Variants in SLC4A4 observed in about 807,000 individuals in gnomAD.
The protein encoded by SLC4A4 is solute carrier family 4 member 4, also known as electrogenic sodium bicarbonate cotransporter 1.
A neutral mutation model predicts 111.5 loss-of-function variants in SLC4A4; 27 were observed. The ratio of observed to expected loss-of-function variants is 0.24; its 90% confidence interval spans 0.18 to 0.33. The LOEUF (loss-of-function observed/expected upper bound fraction) is 0.33, where lower values mean the gene tolerates loss of function less well. SLC4A4 is among the 10% of genes least tolerant of loss of function. The pLI is 1.00. For synonymous variants in SLC4A4, 443 were observed against 463.4 expected (o/e 0.96, Z 0.57); for missense variants, 909 against 1,315.5 (o/e 0.69, Z 4.78).
intron 12 of SLC4A4, among the ~76,000 whole-genome samples, chr4:71,461,757 C>A (rs1726849396): frequency 6.6e-6 from 1 of 152,070 alleles, no homozygotes; most frequent in African/African-American, 2.4e-5. Context: ...AAACATGGGC[C>A]AAACACGGGC....
At chr4:71,389,100 A>T (rs1719031425) in intron 6 of SLC4A4, among the ~76,000 whole-genome samples, 1 of 152,232 alleles carries the variant, frequency 6.6e-6, no homozygotes, top group South Asian at 2.1e-4. Flanking sequence ...TAAATAGATT[A>T]TCAAAGGGAC....
intron 2 of SLC4A4, among the ~76,000 whole-genome samples, chr4:71,095,598 T>TTCCC (rs922884545): frequency 7.9e-5 from 12 of 152,194 alleles, no homozygotes; most frequent in Admixed American, 3.3e-4. Context: ...TTTTGCTGAC[T>TTCCC]TCCCTCCCTC....
intron 2 of SLC4A4, among the ~76,000 whole-genome samples, chr4:71,243,252 C>T (rs1385172419): frequency 6.6e-6 from 1 of 152,136 alleles, no homozygotes. Flanking sequence ...ATGCATTTCC[C>T]CTTGTCTGCC....
At chr4:71,425,828 G>A (rs1723074339) in intron 7 of SLC4A4, among the ~76,000 whole-genome samples, 1 of 152,142 alleles carries the variant, frequency 6.6e-6, no homozygotes, top group Non-Finnish European at 1.5e-5. Flanking sequence ...AAAGGGTTGT[G>A]GAGAACAAGT....
chr4:71,312,144 C>T (rs1439008022), intron 3 of SLC4A4, among the ~76,000 whole-genome samples: 4 of 152,150 alleles, frequency 2.6e-5, no homozygotes, highest in African/African-American at 9.7e-5. Flanking sequence ...CTATAAACAC[C>T]TCTAGCAAAT....
At chr4:71,386,013 G>GT (rs560393700) in intron 6 of SLC4A4, among the ~76,000 whole-genome samples, 162 of 141,686 alleles carry the variant, frequency 1.1e-3, no homozygotes, top group Middle Eastern at 3.8e-3. Context: ...ATTTTTTGGA[G>GT]TTTTTTTTTT....
chr4:71,328,848 C>A (rs895907047), intron 3 of SLC4A4, among the ~76,000 whole-genome samples: 2 of 151,922 alleles, frequency 1.3e-5, no homozygotes. Context: ...TCCATTTTTG[C>A]TTTGGTTGTT....
intron 4 of SLC4A4, 62 bp from the exon 5 acceptor site, chr4:71,349,850 C>A: frequency 5.9e-6 from 9 of 1,535,516 alleles, no homozygotes; most frequent in Admixed American, 5.0e-5. Flanking sequence ...GGGGTTGAGA[C>A]TGCTATTTCT....
At chr4:71,547,603 T>C (rs1223484774) in intron 19 of SLC4A4, 45 bp from the exon 20 acceptor site, 2 of 1,481,052 alleles carry the variant, frequency 1.4e-6, no homozygotes, top group Admixed American at 3.4e-5. Context: ...AGAGCATGTT[T>C]ATGAAGACAA....
chr4:71,132,334 C>T (rs562361002), intron 2 of SLC4A4, among the ~76,000 whole-genome samples: 18 of 152,192 alleles, frequency 1.2e-4, no homozygotes, highest in South Asian at 2.1e-4. Context: ...TATCAGCTAA[C>T]GGCATGTCTC....
intron 15 of SLC4A4, among the ~76,000 whole-genome samples, chr4:71,494,430 C>A (rs1000159812): frequency 3.3e-5 from 5 of 151,844 alleles, no homozygotes; most frequent in African/African-American, 1.2e-4. Flanking sequence ...CCTCCTGCCT[C>A]AGTCTCCAGA....
intron 3 of SLC4A4, among the ~76,000 whole-genome samples, chr4:71,297,043 G>A (rs1724850027): frequency 6.6e-6 from 1 of 152,182 alleles, no homozygotes; most frequent in East Asian, 1.9e-4. Context: ...TCAACTAGTT[G>A]GCCACCCTTG....
chr4:71,388,844 C>T (rs1719002051), intron 6 of SLC4A4, among the ~76,000 whole-genome samples: 2 of 152,168 alleles, frequency 1.3e-5, no homozygotes, highest in Middle Eastern at 3.2e-3. Context: ...AGCCACCATG[C>T]CTGGCCTAAC....
At chr4:71,121,392 C>T (rs531208723) in intron 2 of SLC4A4, among the ~76,000 whole-genome samples, 104 of 152,358 alleles carry the variant, frequency 6.8e-4, no homozygotes, top group Admixed American at 2.0e-3. Context: ...GCTCCGCCCG[C>T]GGCCCTGGCA....
Position 71,563,889 on chromosome 4 carries a change from A to G in SLC4A4, c.3196A>G (p.Arg1066Gly), listed in dbSNP as rs952392815. ...PFLSDSKPSD[R>G]ERSPTFLERH... ...CCTAAGCGATAGCAAACCTTCTGAC[A>G]GTGAGTAGAACTAACCTCTTGCATG... is the stretch of plus-strand genomic sequence containing the variant. Residue 1066 changes from arginine (R) to glycine (G), a missense_variant and splice_region_variant, in exon 24 of 26, where the codon AGA becomes GGA. Arg to Gly is a moderately radical substitution (Grantham distance 125). This residue lies in a region of SLC4A4 where 85 missense variants were observed against 79.8 expected (regional missense o/e 1.07). Transcript: ENST00000264485. 2 of 1,590,892 alleles carry G rather than the reference A, an allele frequency of 1.3e-6. No homozygotes were observed. Among genetic ancestry groups the G allele is most frequent in the African/African-American group, 2.7e-5 (2 of 74,458 alleles).
At position 71,568,768 on chromosome 4, in the gene SLC4A4, A is replaced by G. The variant is rs1436938253; in HGVS notation, c.*1017A>G. The G allele has an allele frequency of 1.3e-5, 2 of 152,204 alleles. No homozygotes were observed. The highest frequency in any genetic ancestry group is 2.4e-5 in the African/African-American group (1 of 41,392). The allele number at this position is 152,204 out of a possible 1,614,324, so 9.4% of individuals were successfully genotyped here. A position where few individuals can be genotyped will look rare whatever the true frequency, so the allele number is the denominator to read the frequency against. On this transcript the variant is annotated 3_prime_UTR_variant, in exon 26 of 26. Transcript: ENST00000264485. The stretch of plus-strand genomic sequence containing the variant: ...TATATAATGTGATTTTTACACATAC[A>G]TACACACACAAATACACAATCTCTA...
intron 3 of SLC4A4, among the ~76,000 whole-genome samples, chr4:71,318,218 A>T (rs772719821): frequency 7.9e-5 from 12 of 152,072 alleles, no homozygotes; most frequent in Non-Finnish European, 1.6e-4. Flanking sequence ...TTGTTCTCAA[A>T]GTCTTTGCTC....
intron 2 of SLC4A4, among the ~76,000 whole-genome samples, chr4:71,178,785 G>A (rs1025783367): frequency 3.3e-5 from 5 of 152,150 alleles, no homozygotes; most frequent in Non-Finnish European, 5.9e-5. Context: ...ACAAGGAGGA[G>A]CTGGTACCAT....
chr4:71,420,900 A>G (rs1452821401), intron 7 of SLC4A4, among the ~76,000 whole-genome samples: 4 of 150,332 alleles, frequency 2.7e-5, no homozygotes, highest in East Asian at 1.9e-4. Flanking sequence ...TGTAAAGACC[A>G]TTGAGACTAG....
Sources: allele counts gnomAD v4.1 joint callset (sites outside exome capture counted in the v4.1 genomes callset), GRCh38; gene constraint gnomAD v4.1.1; regional missense constraint gnomAD v4.1.1; transcripts MANE v1.5; gene names NCBI Gene and HGNC (gene_info 2026-07-23, HGNC 2026-07-21).